Variants in TAOK1 observed in about 807,000 individuals in gnomAD.
The protein encoded by TAOK1 is serine/threonine-protein kinase TAO1.
In TAOK1, 21 loss-of-function variants were observed where a neutral mutation model predicts 138.3. The ratio of observed to expected loss-of-function variants is 0.15; its 90% CI spans 0.11 to 0.22. The LOEUF (loss-of-function observed/expected upper bound fraction) is 0.22, where lower values mean the gene tolerates loss of function less well. Ranked by LOEUF, TAOK1 falls within the 10% of genes least tolerant of loss-of-function variation. The pLI, the probability that TAOK1 is intolerant of heterozygous loss-of-function variation, is 1.00. For missense variants in TAOK1, 651 were observed against 1,227.7 expected, an observed-to-expected ratio of 0.53 and a Z score of 7.02; for synonymous variants, 361 against 398.4, an observed-to-expected ratio of 0.91 and a Z score of 1.12.
At chr17:29,465,710 C>T (rs2030645734) in intron 2 of TAOK1, among the ~76,000 whole-genome samples, 1 of 151,796 alleles carries the variant, frequency 6.6e-6, no homozygotes, top group Admixed American at 6.6e-5. Context: ...GGTTTCTAAC[C>T]CTTTTATTAA....
At chr17:29,405,931 A>G (rs1354991798) in intron 1 of TAOK1, among the ~76,000 whole-genome samples, 2 of 152,178 alleles carry the variant, frequency 1.3e-5, no homozygotes, top group African/African-American at 4.8e-5. Flanking sequence ...ACACATCTGT[A>G]TTTATTAATA....
At chr17:29,435,017 T>C (rs1905982467) in intron 1 of TAOK1, among the ~76,000 whole-genome samples, 1 of 152,122 alleles carries the variant, frequency 6.6e-6, no homozygotes, top group South Asian at 2.1e-4. Context: ...CTTGCTAGGA[T>C]TTGGGTGCAT....
chr17:29,474,575 G>A (rs1054850844), intron 3 of TAOK1, among the ~76,000 whole-genome samples: 1 of 152,168 alleles, frequency 6.6e-6, no homozygotes, highest in African/African-American at 2.4e-5. Context: ...CTGGGGAATG[G>A]CTGGCTGGTG....
chr17:29,507,781 A>G, intron 13 of TAOK1, 115 bp from the exon 14 acceptor site: 1 of 936,308 alleles, frequency 1.1e-6, no homozygotes. Flanking sequence ...GGAATCTGCT[A>G]ACATTGGGAT....
chr17:29,489,421 A>T lies in TAOK1; in HGVS notation c.656-243A>T, dbSNP rs1378481645. On this transcript the variant is annotated intron_variant, in intron 8 of 19. Transcript: ENST00000261716. ...GCCGAGGTGGGAGGATTGCTTGAGC[A>T]CAGGAGGTCAAGGCTGTAGTGAGCC... is the stretch of plus-strand genomic sequence containing the variant. Among the ~76,000 whole-genome samples the T allele has an allele frequency of 2.6e-5, 4 of 152,090 alleles. No homozygotes were observed. In the East Asian group the frequency reaches 7.7e-4, roughly 29 times the overall value.
chr17:29,515,947 G>A (rs995776617), intron 15 of TAOK1, among the ~76,000 whole-genome samples: 2 of 151,958 alleles, frequency 1.3e-5, no homozygotes, highest in Admixed American at 6.6e-5. Flanking sequence ...TAATTTTTAT[G>A]TATGTATTTA....
At chr17:29,496,087 T>C (rs1598507129) in intron 11 of TAOK1, among the ~76,000 whole-genome samples, 1 of 151,878 alleles carries the variant, frequency 6.6e-6, no homozygotes, top group Non-Finnish European at 1.5e-5. Flanking sequence ...CTGAACCTGT[T>C]TTTTTATTTT....
chr17:29,524,495 A>G (rs1332698811), intron 17 of TAOK1, among the ~76,000 whole-genome samples: 1 of 152,228 alleles, frequency 6.6e-6, no homozygotes, highest in Admixed American at 6.5e-5. Context: ...TAGTACGTTA[A>G]AAGTGAGGAG....
chr17:29,413,975 G>A (rs1329311346), intron 1 of TAOK1, among the ~76,000 whole-genome samples: 6 of 137,188 alleles, frequency 4.4e-5, no homozygotes, highest in Admixed American at 8.2e-5. Context: ...CTCTGCCTCC[G>A]GGGTTCACGC....
intron 15 of TAOK1, chr17:29,513,049 A>AT (rs1236298750): frequency 7.7e-5 from 7 of 91,002 alleles, no homozygotes; most frequent in Admixed American, 1.2e-4. Context: ...ATGTCTTTTA[A>AT]TTTACCCACC....
At chr17:29,406,263 A>G (rs1359809334) in intron 1 of TAOK1, among the ~76,000 whole-genome samples, 2 of 152,254 alleles carry the variant, frequency 1.3e-5, no homozygotes, top group East Asian at 3.9e-4. Context: ...GAGCAAAATC[A>G]CCTGATTGAG....
At chr17:29,481,717 T>C (rs922263836) in intron 7 of TAOK1, among the ~76,000 whole-genome samples, 4 of 151,938 alleles carry the variant, frequency 2.6e-5, no homozygotes, top group African/African-American at 9.7e-5. Context: ...CCCAGCACTT[T>C]GGGAGGCCAA....
chr17:29,499,912 G>A (rs994412896), intron 12 of TAOK1, among the ~76,000 whole-genome samples: 6 of 152,066 alleles, frequency 3.9e-5, no homozygotes, highest in Non-Finnish European at 7.4e-5. Flanking sequence ...TAGATTCTGG[G>A]TTTAGGAAAT....
chr17:29,417,865 C>G (rs1905306749), intron 1 of TAOK1, among the ~76,000 whole-genome samples: 1 of 152,046 alleles, frequency 6.6e-6, no homozygotes, highest in Non-Finnish European at 1.5e-5. Context: ...TTGATAAACT[C>G]TAGTTCTTTG....
At chr17:29,536,169 G>T (rs2032217557) in intron 19 of TAOK1, among the ~76,000 whole-genome samples, 1 of 152,058 alleles carries the variant, frequency 6.6e-6, no homozygotes, top group East Asian at 1.9e-4. Flanking sequence ...CGTGGTGGCA[G>T]GCGCCTGTAA....
chr17:29,472,749 T>C (rs750213142), intron 3 of TAOK1, among the ~76,000 whole-genome samples: 8 of 151,558 alleles, frequency 5.3e-5, no homozygotes, highest in Non-Finnish European at 8.8e-5. Flanking sequence ...TCATTTTGTA[T>C]TTTTTTAGTA....
chr17:29,481,560 A>G (rs891908955), intron 7 of TAOK1, among the ~76,000 whole-genome samples: 5 of 152,146 alleles, frequency 3.3e-5, no homozygotes, highest in African/African-American at 1.2e-4. Context: ...AGTATATGAA[A>G]TATTATAATC....
In TAOK1 at chr17:29,547,047, T is replaced by C. The variant is rs1376168487; in HGVS notation, c.*4025T>C. The C allele has an allele frequency of 6.6e-6, 1 of 152,098 alleles. No individual in the cohort carries two copies. Among genetic ancestry groups the C allele is most frequent in the Non-Finnish European group, 1.5e-5 (1 of 67,986 alleles). 9.4% of individuals were successfully genotyped at this position (152,098 alleles called of 1,614,324 possible). The stretch of plus-strand genomic sequence containing the variant: ...GTGTTTCTGTGAGTTTGTGTTGTGA[T>C]GCAATAAGAGATAAGTAATGCAGAG... On this transcript the variant is annotated 3_prime_UTR_variant, in exon 20 of 20. Transcript: ENST00000261716.
At chr17:29,412,285 C>T (rs1428050879) in intron 1 of TAOK1, among the ~76,000 whole-genome samples, 4 of 152,180 alleles carry the variant, frequency 2.6e-5, no homozygotes, top group Non-Finnish European at 4.4e-5. Flanking sequence ...TCAAGTGATC[C>T]GCCTGCCTTG....
Sources: allele counts gnomAD v4.1 joint callset (sites outside exome capture counted in the v4.1 genomes callset), GRCh38; gene constraint gnomAD v4.1.1; transcripts MANE v1.5; gene names NCBI Gene and HGNC (gene_info 2026-07-23, HGNC 2026-07-21).